Variants in SLMAP observed in about 807,000 individuals in gnomAD.
SLMAP encodes sarcolemma associated protein.
In SLMAP, 44 loss-of-function variants were observed where a neutral mutation model predicts 128.8. The ratio of observed to expected loss-of-function variants is 0.34; its 90% CI spans 0.27 to 0.44. The LOEUF is 0.44. SLMAP is among the 20% of genes least tolerant of loss of function. The pLI is 1.00. For missense variants in SLMAP, 787 were observed against 985.3 expected, an observed-to-expected ratio of 0.80 and a Z score of 2.69; for synonymous variants, 327 against 348.8, an observed-to-expected ratio of 0.94 and a Z score of 0.70.
chr3:57,861,368 T>C (rs576354866), intron 9 of SLMAP, among the ~76,000 whole-genome samples: 1 of 152,292 alleles, frequency 6.6e-6, no homozygotes, highest in South Asian at 2.1e-4. Flanking sequence ...ATTCATAATA[T>C]AGATCTTTTC....
intron 2 of SLMAP, 38 bp from the exon 3 acceptor site, chr3:57,831,345 A>T: frequency 7.4e-7 from 1 of 1,342,500 alleles, no homozygotes; most frequent in Non-Finnish European, 9.9e-7. Context: ...TATTACTATT[A>T]ATATTTGGCC....
At chr3:57,926,978 C>G (rs992976608) in intron 24 of SLMAP, among the ~76,000 whole-genome samples, 22 of 152,088 alleles carry the variant, frequency 1.4e-4, no homozygotes, top group African/African-American at 5.3e-4. Context: ...ATATGGATAC[C>G]AGAGTAAATA....
At chr3:57,804,219 C>T (rs942852405) in intron 2 of SLMAP, among the ~76,000 whole-genome samples, 3 of 152,118 alleles carry the variant, frequency 2.0e-5, no homozygotes, top group Admixed American at 6.6e-5. Context: ...TTCTGATACA[C>T]TTTTATTGTA....
intron 6 of SLMAP, among the ~76,000 whole-genome samples, chr3:57,852,555 A>G (rs1445503817): frequency 6.6e-6 from 1 of 152,218 alleles, no homozygotes; most frequent in African/African-American, 2.4e-5. Flanking sequence ...AATATATGTA[A>G]AGCACTTAGA....
chr3:57,760,413 G>A (rs79324389), intron 2 of SLMAP, among the ~76,000 whole-genome samples: 7 of 152,144 alleles, frequency 4.6e-5, no homozygotes, highest in Non-Finnish European at 7.4e-5. Context: ...TAGTTATAGC[G>A]GATGCTCTGT....
At chr3:57,768,487 G>A (rs1190511879) in intron 2 of SLMAP, among the ~76,000 whole-genome samples, 1 of 152,146 alleles carries the variant, frequency 6.6e-6, no homozygotes, top group East Asian at 1.9e-4. Flanking sequence ...GGGAGGCTGA[G>A]GCAGGAAGAT....
In SLMAP at chr3:57,885,141, C is replaced by T. The variant is rs184582842; in HGVS notation, c.1301-4900C>T. Reference sequence around the variant, plus strand: ...AGGCTGGAGTGCAATGGCACAGTCTCGGCTCACCACAACCTCCACCACCCA... The same window carrying T: ...AGGCTGGAGTGCAATGGCACAGTCTTGGCTCACCACAACCTCCACCACCCA... On this transcript the variant is annotated intron_variant, in intron 14 of 24. Coordinates refer to ENST00000671191, the MANE Select transcript of SLMAP (RefSeq NM_001377540.1). Among the ~76,000 whole-genome samples, 406 of 150,150 alleles carry T rather than the reference C, an allele frequency of 2.7e-3. 2 individuals carry two copies. The highest frequency in any genetic ancestry group is 4.3e-3 in the Non-Finnish European group (293 of 67,834).
chr3:57,846,625 T>C (rs1470202909), intron 4 of SLMAP, among the ~76,000 whole-genome samples: 2 of 151,456 alleles, frequency 1.3e-5, no homozygotes, highest in Non-Finnish European at 2.9e-5. Flanking sequence ...GGCGCAATCT[T>C]GGCTCACTGC....
intron 2 of SLMAP, among the ~76,000 whole-genome samples, chr3:57,795,413 C>T (rs1275038648): frequency 6.6e-6 from 1 of 152,130 alleles, no homozygotes; most frequent in African/African-American, 2.4e-5. Flanking sequence ...GTGGCGCACA[C>T]CTGTAGTCCC....
At chr3:57,909,797 A>C (rs1489742859) in intron 19 of SLMAP, among the ~76,000 whole-genome samples, 1 of 151,974 alleles carries the variant, frequency 6.6e-6, no homozygotes, top group Non-Finnish European at 1.5e-5. Context: ...TTTTTAGTAG[A>C]GATGGGGTTT....
chr3:57,797,372 T>C lies in SLMAP; in HGVS notation c.199-34011T>C, dbSNP rs1430660779. ...GGTGGTGGGTGCCTGTAATCCCATC[T>C]ACTTGGGAGCCTGAGGCAGGAGAAT... On this transcript the variant is annotated intron_variant, in intron 2 of 24. Coordinates refer to ENST00000671191, the MANE Select transcript of SLMAP (RefSeq NM_001377540.1). 4.6e-5 allele frequency among the ~76,000 whole-genome samples: 7 copies of C among 151,620 alleles called. No individual in the cohort carries two copies. The South Asian group carries it at 1.5e-3, about 32-fold the overall frequency.
chr3:57,769,199 TA>T (rs1287114266), intron 2 of SLMAP, among the ~76,000 whole-genome samples: 5 of 152,236 alleles, frequency 3.3e-5, no homozygotes, highest in African/African-American at 7.2e-5. Context: ...CATTTTATTT[TA>T]TTTTTTTTTT....
At chr3:57,843,574 G>A (rs956173304) in intron 4 of SLMAP, among the ~76,000 whole-genome samples, 1 of 151,340 alleles carries the variant, frequency 6.6e-6, no homozygotes, top group African/African-American at 2.4e-5. Flanking sequence ...CCAAAGTGCT[G>A]GGATTATAGG....
intron 5 of SLMAP, 112 bp downstream of exon 5, chr3:57,847,345 G>GCATTC: frequency 2.6e-6 from 2 of 756,516 alleles, no homozygotes; most frequent in Non-Finnish European, 4.6e-6. Context: ...AACAAAATAT[G>GCATTC]TAGAATGCAT....
chr3:57,822,427 A>G (rs1241749461), intron 2 of SLMAP, among the ~76,000 whole-genome samples: 1 of 152,188 alleles, frequency 6.6e-6, no homozygotes, highest in African/African-American at 2.4e-5. Flanking sequence ...GAATCTCTGA[A>G]TTGATTCCTC....
At chr3:57,838,648 A>G (rs2093757941) in intron 3 of SLMAP, among the ~76,000 whole-genome samples, 1 of 152,126 alleles carries the variant, frequency 6.6e-6, no homozygotes, top group African/African-American at 2.4e-5. Context: ...CTCTGGGGAC[A>G]TCTTACCCAG....
chr3:57,761,822 T>C (rs1283627149), intron 2 of SLMAP, among the ~76,000 whole-genome samples: 1 of 135,494 alleles, frequency 7.4e-6, no homozygotes. Context: ...CCGAGGCGGG[T>C]GGATCATGAG....
chr3:57,866,990 CA>C (rs1434204975), intron 13 of SLMAP, among the ~76,000 whole-genome samples: 1 of 152,062 alleles, frequency 6.6e-6, no homozygotes, highest in Non-Finnish European at 1.5e-5. Context: ...AAGGTCTGGA[CA>C]ACTTTGTGAA....
At chr3:57,764,515 A>AG (rs1278018082) in intron 2 of SLMAP, among the ~76,000 whole-genome samples, 1 of 151,902 alleles carries the variant, frequency 6.6e-6, no homozygotes, top group East Asian at 1.9e-4. Flanking sequence ...AAAAAAAAGA[A>AG]AAGAAAAGAA....
Sources: gnomAD v4.1 joint callset for allele counts (sites outside exome capture counted in the v4.1 genomes callset) on GRCh38, gnomAD v4.1.1 for gene constraint, MANE v1.5 for transcripts, NCBI Gene and HGNC (gene_info 2026-07-23, HGNC 2026-07-21) for gene names.